Variants in ATCAY observed in about 807,000 individuals in gnomAD.
ATCAY encodes the protein caytaxin.
A neutral mutation model predicts 47.7 loss-of-function variants in ATCAY; 22 were observed. The observed-to-expected ratio is 0.46, with a 90% CI of 0.33 to 0.66. ATCAY has a LOEUF of 0.66. Ranked by LOEUF, ATCAY falls within the 30% of genes least tolerant of loss-of-function variation. The pLI is 0.02. For missense variants in ATCAY, 452 were observed against 515.0 expected (o/e 0.88, Z 1.18); for synonymous variants, 216 against 207.6 (o/e 1.04, Z -0.35).
intron 8 of ATCAY, among the ~76,000 whole-genome samples, chr19:3,912,948 TC>T (rs1328744399): frequency 6.7e-6 from 1 of 149,724 alleles, no homozygotes; most frequent in African/African-American, 2.5e-5. Context: ...TGGCCAGAAT[TC>T]AGGATTGGAA....
chr19:3,907,959 C>T lies in ATCAY; in HGVS notation c.544+40C>T, dbSNP rs750229728. 2.2e-5 allele frequency: 35 copies of T among 1,593,460 alleles called. No homozygotes were observed. The highest frequency in any genetic ancestry group is 1.8e-4 in the East Asian group (8 of 43,762). On this transcript the variant is annotated intron_variant, in intron 5 of 12. Coordinates refer to ENST00000450849, the MANE Select transcript of ATCAY (RefSeq NM_033064.5). This position sits in a 1 kb window ranked among gnomAD's most constrained non-coding sequence, Gnocchi z 5.1. ...CCGGTGCCCCCTTGGGGCTCCAGCC[C>T]GGCCCACTGGGCAACAGGGGGTTCG...
chr19:3,889,299 G>C (rs933161852), intron 2 of ATCAY, among the ~76,000 whole-genome samples: 3 of 152,192 alleles, frequency 2.0e-5, no homozygotes, highest in Non-Finnish European at 2.9e-5. Flanking sequence ...TGTAATACCA[G>C]CTACTCGGGA....
intron 8 of ATCAY, among the ~76,000 whole-genome samples, chr19:3,912,354 C>T (rs1599143752): frequency 6.6e-6 from 1 of 151,674 alleles, no homozygotes; most frequent in Non-Finnish European, 1.5e-5. Flanking sequence ...CACTCTGTCG[C>T]CCAGGCTGGA....
At chr19:3,897,315 C>A (rs961189190) in intron 2 of ATCAY, among the ~76,000 whole-genome samples, 7 of 149,542 alleles carry the variant, frequency 4.7e-5, no homozygotes, top group Admixed American at 4.0e-4. Flanking sequence ...ATATCTATAT[C>A]TATCTATATC....
rs1351592181 is a variant in ATCAY, at chr19:3,928,002, A to G, written c.*3410A>G. 1.3e-5 allele frequency: 2 copies of G among 152,202 alleles called. No homozygotes were observed. The highest frequency in any genetic ancestry group is 6.5e-5 in the Admixed American group (1 of 15,276). 9.4% of individuals were successfully genotyped at this position (152,202 alleles called of 1,614,324 possible). On this transcript the variant is annotated 3_prime_UTR_variant, in exon 13 of 13. Transcript: ENST00000450849. ...AGAACAGAAATGATCACTACGATTG[A>G]CGACGGTCGTGATGTTAAGACGTCG...
At chr19:3,909,906 G>A (rs1360425469) in intron 7 of ATCAY, among the ~76,000 whole-genome samples, 1 of 152,196 alleles carries the variant, frequency 6.6e-6, no homozygotes, top group Non-Finnish European at 1.5e-5. Context: ...CCAACATATA[G>A]TGAAACCCCA....
chr19:3,898,088 A>G (rs1198539147), intron 2 of ATCAY, among the ~76,000 whole-genome samples: 1 of 152,136 alleles, frequency 6.6e-6, no homozygotes, highest in Non-Finnish European at 1.5e-5. Flanking sequence ...AATCCTATCT[A>G]CTAAGTCAGC....
chr19:3,917,003 T>TCACC (rs1455910616), intron 9 of ATCAY, among the ~76,000 whole-genome samples: 2 of 152,054 alleles, frequency 1.3e-5, no homozygotes, highest in Non-Finnish European at 2.9e-5. Context: ...AGATAGGGTT[T>TCACC]CACCATGTTG....
At chr19:3,895,517 C>A (rs984000784) in intron 2 of ATCAY, among the ~76,000 whole-genome samples, 17 of 150,684 alleles carry the variant, frequency 1.1e-4, no homozygotes, top group Admixed American at 1.0e-3. Flanking sequence ...GCCTGGCCCC[C>A]ATTTTAGTCA....
Position 3,925,973 on chromosome 19 carries a change from T to A in ATCAY, c.*1381T>A, listed in dbSNP as rs1426098833. ...AGTGAGCCAAGATCGTGCCACTGCA[T>A]TCCAGCCTGGGCGACAGAGCAAGAC... is the stretch of plus-strand genomic sequence containing the variant. On this transcript the variant is annotated 3_prime_UTR_variant, in exon 13 of 13. Coordinates refer to ENST00000450849, the MANE Select transcript of ATCAY (RefSeq NM_033064.5). This position sits in a 1 kb window ranked among gnomAD's most constrained non-coding sequence, Gnocchi z 4.4. 6.9e-6 allele frequency: 1 copy of A among 145,456 alleles called. No individual in the cohort carries two copies. 9.0% of individuals were successfully genotyped at this position (145,456 alleles called of 1,614,324 possible). A position where few individuals can be genotyped will look rare whatever the true frequency, so the allele number is the denominator to read the frequency against.
intron 2 of ATCAY, among the ~76,000 whole-genome samples, chr19:3,889,378 AC>A (rs1232402532): frequency 6.6e-6 from 1 of 152,098 alleles, no homozygotes; most frequent in Admixed American, 6.6e-5. Context: ...GCACCACTGA[AC>A]TCCAGCCTGG....
At chr19:3,894,095 G>A (rs1270871126) in intron 2 of ATCAY, among the ~76,000 whole-genome samples, 1 of 152,114 alleles carries the variant, frequency 6.6e-6, no homozygotes, top group Non-Finnish European at 1.5e-5. Flanking sequence ...GCTCACTCCT[G>A]TAATCCCAGC....
At chr19:3,916,396 A>C (rs2038966460) in intron 9 of ATCAY, among the ~76,000 whole-genome samples, 1 of 152,202 alleles carries the variant, frequency 6.6e-6, no homozygotes, top group South Asian at 2.1e-4. Flanking sequence ...ATATCTCTGT[A>C]AGACCCTACT....
Position 3,917,730 on chromosome 19 carries a change from TC to T in ATCAY, c.966-11del, listed in dbSNP as rs2038978859. The T allele has an allele frequency of 6.2e-7, 1 of 1,613,522 alleles. No homozygotes were observed. The highest frequency in any genetic ancestry group is 8.5e-7 in the Non-Finnish European group (1 of 1,179,676). ...AGGAAGGTTGTGTCTGACATCTTTTTCTTTCTTTCAGATACGAAGAGGAAAG... is the reference window on the plus strand; with the variant it reads ...AGGAAGGTTGTGTCTGACATCTTTTTTTTCTTTCAGATACGAAGAGGAAAG... On this transcript the variant is annotated splice_polypyrimidine_tract_variant and intron_variant, in intron 9 of 12. Transcript: ENST00000450849.
chr19:3,902,418 C>G, intron 2 of ATCAY, 69 bp from the exon 3 acceptor site: 1 of 1,459,338 alleles, frequency 6.9e-7, no homozygotes, highest in Non-Finnish European at 9.4e-7. Flanking sequence ...CTGTCTGGGC[C>G]ACTCCACTGT....
chr19:3,909,740 C>A, intron 7 of ATCAY, 123 bp downstream of exon 7: 1 of 1,393,530 alleles, frequency 7.2e-7, no homozygotes, highest in South Asian at 1.3e-5. Flanking sequence ...GTCCCTTGAG[C>A]CCAGGAGTTT....
At chr19:3,891,092 C>T (rs535372967) in intron 2 of ATCAY, among the ~76,000 whole-genome samples, 2 of 151,300 alleles carry the variant, frequency 1.3e-5, no homozygotes, top group Non-Finnish European at 2.9e-5. Flanking sequence ...CAGTGTATCA[C>T]CCAGGCTGGA....
At chr19:3,921,621 G>A (rs1276433867) in intron 12 of ATCAY, among the ~76,000 whole-genome samples, 1 of 151,590 alleles carries the variant, frequency 6.6e-6, no homozygotes, top group Non-Finnish European at 1.5e-5. Flanking sequence ...AGCAGAGTTG[G>A]GTGTGGTGGC....
chr19:3,887,592 T>G (rs1281023432), intron 2 of ATCAY, among the ~76,000 whole-genome samples: 1 of 151,016 alleles, frequency 6.6e-6, no homozygotes, highest in Non-Finnish European at 1.5e-5. Flanking sequence ...GTTCACGCCA[T>G]TCTCCTGCCT....
Sources: allele counts gnomAD v4.1 joint callset (sites outside exome capture counted in the v4.1 genomes callset), GRCh38; gene constraint gnomAD v4.1.1; non-coding constraint Gnocchi (gnomAD v3.1); transcripts MANE v1.5; gene names NCBI Gene and HGNC (gene_info 2026-07-23, HGNC 2026-07-21).